Variants in TPD52L2 observed in about 807,000 individuals in gnomAD.
The protein encoded by TPD52L2 is TPD52 like 2, also known as tumor protein D54.
In TPD52L2, 19 loss-of-function variants were observed where a neutral mutation model predicts 24.7. The observed-to-expected ratio is 0.77, with a 90% confidence interval of 0.54 to 1.13. TPD52L2 has a LOEUF of 1.13. TPD52L2 is among the 50% of genes most tolerant of loss of function. The probability of loss-of-function intolerance (pLI) is 0.00; values close to 1 mark genes in which losing one functional copy is unlikely to be tolerated. For missense variants in TPD52L2, 236 were observed against 250.4 expected, an observed-to-expected ratio of 0.94 and a Z score of 0.39; for synonymous variants, 104 against 100.2, an observed-to-expected ratio of 1.04 and a Z score of -0.23.
intron 1 of TPD52L2, 56 bp downstream of exon 1, chr20:63,865,440 T>G: frequency 6.7e-7 from 1 of 1,494,122 alleles, no homozygotes; most frequent in South Asian, 1.3e-5. Context: ...CCCGTTGTTC[T>G]CCGTCTCCCG....
chr20:63,887,351 C>T (rs940670582), intron 5 of TPD52L2: 11 of 688,118 alleles, frequency 1.6e-5, no homozygotes, highest in South Asian at 4.8e-5. Flanking sequence ...CAGTGCTATG[C>T]GCTGGGCAAC....
chr20:63,889,293 A>G (rs1018633685), intron 6 of TPD52L2, 55 bp downstream of exon 6: 5 of 1,467,306 alleles, frequency 3.4e-6, no homozygotes, highest in African/African-American at 1.4e-5. Flanking sequence ...TGTTACAGCA[A>G]CTTGTTTATT....
intron 5 of TPD52L2, among the ~76,000 whole-genome samples, chr20:63,884,450 TGTG>T (rs1270311107): frequency 2.0e-5 from 3 of 152,186 alleles, no homozygotes; most frequent in South Asian, 2.1e-4. Flanking sequence ...TTCAGACCAT[TGTG>T]GTGGAAATCC....
intron 2 of TPD52L2, among the ~76,000 whole-genome samples, chr20:63,870,961 C>T (rs887837189): frequency 1.3e-5 from 2 of 150,340 alleles, no homozygotes; most frequent in African/African-American, 4.9e-5. Flanking sequence ...TGTGATCCAC[C>T]CACCTTGGCC....
At chr20:63,883,482 T>TGGCTGGGCACCCC (rs1207535459) in intron 5 of TPD52L2, among the ~76,000 whole-genome samples, 1 of 152,190 alleles carries the variant, frequency 6.6e-6, no homozygotes, top group Non-Finnish European at 1.5e-5. Context: ...GGCTACCTCC[T>TGGCTGGGCACCCC]GGCTGGGCAC....
chr20:63,887,653 G>C (rs776382756), intron 5 of TPD52L2: 14 of 1,594,522 alleles, frequency 8.8e-6, no homozygotes, highest in Middle Eastern at 1.6e-4. Context: ...TGTCTCTGGT[G>C]GGGGTTGGGG....
intron 2 of TPD52L2, 141 bp from the exon 3 acceptor site, chr20:63,873,527 G>A: frequency 1.1e-6 from 1 of 916,542 alleles, no homozygotes; most frequent in African/African-American, 1.8e-5. Context: ...TCAGATGTCT[G>A]CTGTAGATGC....
Position 63,877,262 on chromosome 20 carries a change from T to C in TPD52L2, c.374+1387T>C. The C allele has an allele frequency of 3.2e-6, 1 of 314,944 alleles. No individual in the cohort carries two copies. Among genetic ancestry groups the C allele is most frequent in the East Asian group, 9.6e-5 (1 of 10,414 alleles). The allele number at this position is 314,944 out of a possible 1,614,324, so 19.5% of individuals were successfully genotyped here. A position where few individuals can be genotyped will look rare whatever the true frequency, so the allele number is the denominator to read the frequency against. On this transcript the variant is annotated intron_variant, in intron 4 of 6. Transcript: ENST00000346249. This position sits in a 1 kb window ranked among gnomAD's most constrained non-coding sequence, Gnocchi z 4.1. ...GGATGGTCTCAATCTCCTGACCTCG[T>C]GATCCGCCTGCCTCAGCCTCCCAAA...
intron 5 of TPD52L2, 82 bp from the exon 6 acceptor site, chr20:63,889,108 C>T (rs1027499793): frequency 2.0e-5 from 26 of 1,280,382 alleles, no homozygotes; most frequent in Non-Finnish European, 2.5e-5. Context: ...GAGGCTGGCC[C>T]TAACCCTGAG....
intron 1 of TPD52L2, 58 bp from the exon 2 acceptor site, chr20:63,869,238 C>T (rs910951819): frequency 1.1e-5 from 18 of 1,602,356 alleles, no homozygotes; most frequent in African/African-American, 6.7e-5. Flanking sequence ...AGACCTCTAC[C>T]GTATTTACTT....
At chr20:63,876,545 C>T (rs1462777968) in intron 4 of TPD52L2, 5 of 354,036 alleles carry the variant, frequency 1.4e-5, no homozygotes, top group Non-Finnish European at 2.2e-5. Flanking sequence ...CTGATTATAA[C>T]GTCTTTAAAC....
intron 1 of TPD52L2, among the ~76,000 whole-genome samples, chr20:63,866,952 T>TA (rs1286955080): frequency 2.0e-5 from 3 of 150,840 alleles, no homozygotes; most frequent in Non-Finnish European, 3.0e-5. Context: ...TTGGTCTTTC[T>TA]ACTTTTTTTT....
intron 1 of TPD52L2, among the ~76,000 whole-genome samples, chr20:63,868,872 C>T (rs1207059283): frequency 3.9e-5 from 6 of 151,950 alleles, no homozygotes; most frequent in South Asian, 2.1e-4. Flanking sequence ...ACCCGGGAGA[C>T]GGAGGTTGCA....
Position 63,877,888 on chromosome 20 carries a change from C to T in TPD52L2, c.374+2013C>T, listed in dbSNP as rs550776887. Among the ~76,000 whole-genome samples the T allele has an allele frequency of 8.6e-5, 13 of 151,900 alleles. No individual in the cohort carries two copies. Among genetic ancestry groups the T allele is most frequent in the South Asian group, 2.1e-4 (1 of 4,822 alleles). On this transcript the variant is annotated intron_variant, in intron 4 of 6. Coordinates refer to ENST00000346249, the MANE Select transcript of TPD52L2 (RefSeq NM_003288.4). This position sits in a 1 kb window ranked among gnomAD's most constrained non-coding sequence, Gnocchi z 4.1. ...CCAGGCCGAGGGCGATGGTTTCTGC[C>T]GGGACGGCCCAGGCCGAGGGCGATG...
intron 5 of TPD52L2, among the ~76,000 whole-genome samples, chr20:63,883,209 G>A (rs923805341): frequency 6.6e-6 from 1 of 152,156 alleles, no homozygotes; most frequent in South Asian, 2.1e-4. Context: ...GGCTCGGCGT[G>A]GTACTTCCTC....
chr20:63,866,025 T>G (rs1057075095), intron 1 of TPD52L2, among the ~76,000 whole-genome samples: 2 of 152,212 alleles, frequency 1.3e-5, no homozygotes, highest in Non-Finnish European at 2.9e-5. Context: ...CCCAGGAGAT[T>G]AAAATCTTGA....
chr20:63,867,084 G>A (rs796415532), intron 1 of TPD52L2, among the ~76,000 whole-genome samples: 3 of 151,958 alleles, frequency 2.0e-5, no homozygotes, highest in African/African-American at 7.2e-5. Context: ...CTCCCGTGTA[G>A]CTGGCATTAC....
intron 2 of TPD52L2, among the ~76,000 whole-genome samples, chr20:63,872,338 C>T (rs2052499586): frequency 6.6e-6 from 1 of 152,072 alleles, no homozygotes; most frequent in South Asian, 2.1e-4. Context: ...TGTCCAAGCC[C>T]AGACTGAGAG....
At chr20:63,866,722 G>C (rs570445914) in intron 1 of TPD52L2, among the ~76,000 whole-genome samples, 2 of 148,198 alleles carry the variant, frequency 1.3e-5, no homozygotes, top group African/African-American at 5.0e-5. Context: ...GCCTCCCAAA[G>C]TGCTGGGATT....
Sources: gnomAD v4.1 joint callset for allele counts (sites outside exome capture counted in the v4.1 genomes callset) on GRCh38, gnomAD v4.1.1 for gene constraint, Gnocchi (gnomAD v3.1) non-coding constraint, MANE v1.5 for transcripts, NCBI Gene and HGNC (gene_info 2026-07-23, HGNC 2026-07-21) for gene names.